Variants in CD302 observed in about 807,000 individuals in gnomAD.
CD302 encodes the protein CD302 molecule, also known as CD302 antigen.
CD302 carries 23 observed loss-of-function variants against 26.5 expected under a neutral mutation model. That is an observed-to-expected ratio of 0.87 (90% CI 0.62 to 1.23). CD302 has a LOEUF of 1.23. Among genes scored for constraint, CD302 ranks in the 50% most tolerant of loss-of-function variants. The pLI is 0.00. For missense variants in CD302, 290 were observed against 275.5 expected (o/e 1.05, Z -0.37); for synonymous variants, 90 against 99.4 (o/e 0.91, Z 0.56).
chr2:159,780,653 C>T (rs1708478995), intron 3 of CD302, among the ~76,000 whole-genome samples: 1 of 152,088 alleles, frequency 6.6e-6, no homozygotes, highest in Non-Finnish European at 1.5e-5. Context: ...AATACTGAGC[C>T]TTAGAGCCAC....
At chr2:159,794,370 T>C (rs1708893293) in intron 1 of CD302, among the ~76,000 whole-genome samples, 2 of 149,262 alleles carry the variant, frequency 1.3e-5, no homozygotes, top group Admixed American at 6.7e-5. Context: ...ATAAAAATTA[T>C]GGAAAGTAAC....
intron 2 of CD302, among the ~76,000 whole-genome samples, chr2:159,781,928 A>G (rs1041708977): frequency 6.6e-6 from 1 of 152,174 alleles, no homozygotes; most frequent in Non-Finnish European, 1.5e-5. Flanking sequence ...GTACAATTTG[A>G]TACATTCTTC....
intron 1 of CD302, 89 bp downstream of exon 1, chr2:159,798,043 C>A: frequency 7.7e-7 from 1 of 1,297,482 alleles, no homozygotes. Flanking sequence ...GCGGGCCGCC[C>A]TCGGGTGCGC....
intron 1 of CD302, among the ~76,000 whole-genome samples, chr2:159,796,679 A>G (rs1708962945): frequency 6.6e-6 from 1 of 152,202 alleles, no homozygotes. Context: ...TGAAAAGCCT[A>G]TTGATCCACA....
At chr2:159,790,643 T>C (rs1043017211) in intron 1 of CD302, among the ~76,000 whole-genome samples, 1 of 152,192 alleles carries the variant, frequency 6.6e-6, no homozygotes, top group African/African-American at 2.4e-5. Context: ...TACTTTCTTC[T>C]GGTTCCTTTT....
chr2:159,792,692 T>C (rs1708840456), intron 1 of CD302, among the ~76,000 whole-genome samples: 1 of 152,172 alleles, frequency 6.6e-6, no homozygotes, highest in South Asian at 2.1e-4. Flanking sequence ...TATTGGGATA[T>C]AGCCCCATTC....
intron 4 of CD302, among the ~76,000 whole-genome samples, chr2:159,779,011 C>T (rs1012762762): frequency 1.3e-5 from 2 of 151,882 alleles, no homozygotes; most frequent in Admixed American, 1.3e-4. Context: ...GTGGGCAGAT[C>T]ACAAGGTCAG....
intron 1 of CD302, among the ~76,000 whole-genome samples, chr2:159,787,382 CTTATT>C (rs746451866): frequency 1.3e-5 from 2 of 152,030 alleles, no homozygotes; most frequent in Non-Finnish European, 2.9e-5. Context: ...ATTTGTCCTA[CTTATT>C]TTATGTTCCT....
At position 159,783,470 on chromosome 2, in the gene CD302, C is replaced by G. The variant is rs1560046684; in HGVS notation, c.68-1G>C. On this transcript the variant is annotated splice_acceptor_variant, in intron 1 of 5. Transcript: ENST00000259053. LOFTEE classifies it high-confidence loss of function. ...TGAATCCAAGTAGATGAAGGACAGTCTATGTAGAAAAAAGAAGAACACTGT... is the reference window on the plus strand; with the variant it reads ...TGAATCCAAGTAGATGAAGGACAGTGTATGTAGAAAAAAGAAGAACACTGT... The G allele has an allele frequency of 6.3e-7, 1 of 1,582,098 alleles. No individual in the cohort carries two copies. The highest frequency in any genetic ancestry group is 8.5e-7 in the Non-Finnish European group (1 of 1,170,002).
At chr2:159,791,447 T>A (rs1283194817) in intron 1 of CD302, among the ~76,000 whole-genome samples, 1 of 152,238 alleles carries the variant, frequency 6.6e-6, no homozygotes, top group African/African-American at 2.4e-5. Context: ...TCATTCTTCT[T>A]TGGAAAAGGA....
intron 1 of CD302, among the ~76,000 whole-genome samples, chr2:159,796,790 A>G (rs868683955): frequency 6.6e-6 from 1 of 152,234 alleles, no homozygotes; most frequent in Non-Finnish European, 1.5e-5. Flanking sequence ...ACCAAAATCT[A>G]GAAACTGATT....
Position 159,769,765 on chromosome 2 carries a change from A to C in CD302, c.*2086T>G, listed in dbSNP as rs1708075376. 1 of 152,204 alleles carries C rather than the reference A, an allele frequency of 6.6e-6. No homozygotes were observed. The highest frequency in any genetic ancestry group is 2.1e-4 in the South Asian group (1 of 4,834). The allele number at this position is 152,204 out of a possible 1,614,324, so 9.4% of individuals were successfully genotyped here. A position where few individuals can be genotyped will look rare whatever the true frequency, so the allele number is the denominator to read the frequency against. ...TTTTGGAAGAGCTGCCATTAGGTAG[A>C]AAGTATCAAAATGTACAAAAGAAAG... On this transcript the variant is annotated 3_prime_UTR_variant, in exon 6 of 6. Transcript: ENST00000259053.
chr2:159,775,692 C>G (rs1432546858), intron 5 of CD302, among the ~76,000 whole-genome samples: 1 of 152,134 alleles, frequency 6.6e-6, no homozygotes, highest in Admixed American at 6.5e-5. Flanking sequence ...TAAGTACATT[C>G]ACTTCGTTGT....
chr2:159,779,963 C>T (rs753260318), intron 4 of CD302, 42 bp downstream of exon 4: 121 of 1,579,506 alleles, frequency 7.7e-5, no homozygotes, highest in Middle Eastern at 6.8e-4. Context: ...CCTACTTTCT[C>T]TGCCCCTTCT....
At position 159,771,672 on chromosome 2, in the gene CD302, A is replaced by G; in HGVS notation, c.*179T>C. On this transcript the variant is annotated 3_prime_UTR_variant, in exon 6 of 6. Coordinates refer to ENST00000259053, the MANE Select transcript of CD302 (RefSeq NM_014880.5). ...TATTAGATCTAAGATCATTTCTAAA[A>G]CCTGTTTTTTTAATGAACCTAAAGA... 1.4e-6 allele frequency: 1 copy of G among 697,622 alleles called. No individual in the cohort carries two copies. Among genetic ancestry groups the G allele is most frequent in the Non-Finnish European group, 2.3e-6 (1 of 439,840 alleles). The allele number at this position is 697,622 out of a possible 1,614,324, so 43.2% of individuals were successfully genotyped here.
intron 5 of CD302, among the ~76,000 whole-genome samples, chr2:159,773,506 A>G (rs1247363580): frequency 6.6e-6 from 1 of 152,248 alleles, no homozygotes; most frequent in African/African-American, 2.4e-5. Context: ...TAATTGAGAA[A>G]TATTTACAGA....
In CD302 at chr2:159,772,068, A is replaced by C; in HGVS notation, c.497-15T>G. 1 of 1,612,948 alleles carries C rather than the reference A, an allele frequency of 6.2e-7. No homozygotes were observed. The highest frequency in any genetic ancestry group is 1.1e-5 in the South Asian group (1 of 90,944). ...AATGTGGTTATCTGAAAAGGAAAAG[A>C]CAAAAGAGTATTTGGGAAATTAGGG... On this transcript the variant is annotated splice_polypyrimidine_tract_variant and intron_variant, in intron 5 of 5. Coordinates refer to ENST00000259053, the MANE Select transcript of CD302 (RefSeq NM_014880.5).
intron 1 of CD302, among the ~76,000 whole-genome samples, chr2:159,797,658 G>A (rs1433419270): frequency 2.0e-5 from 3 of 152,084 alleles, no homozygotes; most frequent in Admixed American, 2.0e-4. Context: ...GACAAACAGC[G>A]CTGCTTGCAA....
intron 3 of CD302, 47 bp downstream of exon 3, chr2:159,780,835 A>G (rs1708484029): frequency 6.4e-7 from 1 of 1,553,334 alleles, no homozygotes; most frequent in Non-Finnish European, 8.8e-7. Context: ...TTGCTACATT[A>G]AAAAAAGAAC....
Sources: allele counts gnomAD v4.1 joint callset (sites outside exome capture counted in the v4.1 genomes callset), GRCh38; gene constraint gnomAD v4.1.1; transcripts MANE v1.5; gene names NCBI Gene and HGNC (gene_info 2026-07-23, HGNC 2026-07-21).